The following LETM1 variants were observed in gnomAD, a reference collection of about 807,000 sequenced individuals.
LETM1 encodes the protein leucine zipper and EF-hand containing transmembrane protein 1, also known as mitochondrial proton/calcium exchanger protein.
Under a neutral mutation model 74.5 loss-of-function variants are expected in LETM1, and 50 were observed. The ratio of observed to expected loss-of-function variants is 0.67; its 90% CI spans 0.53 to 0.85. The LOEUF (loss-of-function observed/expected upper bound fraction) is 0.85. Among genes scored for constraint, LETM1 ranks in the 40% least tolerant of loss-of-function variants. The pLI is 0.00. For missense variants in LETM1, 824 were observed against 967.8 expected (o/e 0.85, Z 1.97); for synonymous variants, 446 against 407.1 (o/e 1.10, Z -1.15).
At chr4:1,855,696 T>C (rs977944003) in intron 1 of LETM1, among the ~76,000 whole-genome samples, 173 bp downstream of exon 1, 9 of 152,038 alleles carry the variant, frequency 5.9e-5, no homozygotes, top group Non-Finnish European at 7.4e-5. Context: ...CGCCCGGCGC[T>C]GGCGGCCCAG....
chr4:1,830,703 GT>G lies in LETM1; in HGVS notation c.1080+2040del, dbSNP rs547610723. Reference sequence around the variant, plus strand: ...TTCTTTTCTTTCTTTGCCCAGATCTGTTTTTCACATGTTCTGCTCTGTTGTG... The same window carrying G: ...TTCTTTTCTTTCTTTGCCCAGATCTGTTTTCACATGTTCTGCTCTGTTGTG... On this transcript the variant is annotated intron_variant, in intron 6 of 13. Coordinates refer to ENST00000302787, the MANE Select transcript of LETM1 (RefSeq NM_012318.3). 9.9e-5 allele frequency among the ~76,000 whole-genome samples: 15 copies of G among 152,240 alleles called. No individual in the cohort carries two copies. In the East Asian group the frequency reaches 2.9e-3, roughly 29 times the overall value.
At chr4:1,842,725 G>A (rs180814663) in intron 2 of LETM1, among the ~76,000 whole-genome samples, 6 of 152,298 alleles carry the variant, frequency 3.9e-5, no homozygotes, top group East Asian at 1.9e-4. Context: ...CCCAGTTGCC[G>A]CCTGTGCCAT....
At chr4:1,826,967 TGTCGCCTCCACTCGCATC>T (rs918032898) in intron 6 of LETM1, among the ~76,000 whole-genome samples, 108 of 152,246 alleles carry the variant, frequency 7.1e-4, no homozygotes, top group African/African-American at 2.5e-3. Context: ...GAGTCTCAGG[TGTCGCCTCCACTCGCATC>T]GTCGCCTCCA....
At chr4:1,840,640 C>T (rs1712656852) in intron 3 of LETM1, among the ~76,000 whole-genome samples, 1 of 151,814 alleles carries the variant, frequency 6.6e-6, no homozygotes, top group African/African-American at 2.4e-5. Flanking sequence ...TGCACTCCAG[C>T]CTGGGCGACA....
chr4:1,819,897 T>C (rs1430504060), intron 10 of LETM1, among the ~76,000 whole-genome samples: 1 of 152,206 alleles, frequency 6.6e-6, no homozygotes, highest in Non-Finnish European at 1.5e-5. Flanking sequence ...GTCTGACTTC[T>C]CTCACTCACT....
intron 3 of LETM1, among the ~76,000 whole-genome samples, chr4:1,840,575 G>A (rs1031294957): frequency 6.6e-6 from 1 of 151,962 alleles, no homozygotes; most frequent in East Asian, 1.9e-4. Context: ...GCTGAGGCAG[G>A]AGAATGGTGT....
In LETM1 at chr4:1,825,634, G is replaced by C; in HGVS notation, c.1130C>G (p.Ala377Gly). 2 of 1,614,078 alleles carry C rather than the reference G, an allele frequency of 1.2e-6. No homozygotes were observed. Among genetic ancestry groups the C allele is most frequent in the Non-Finnish European group, 1.7e-6 (2 of 1,179,988 alleles). ...CCGCATGCCTCGTGCCCGACACGCT[G>C]CCTGCAGCTCCTTGACATTCAGGCT... ...VDSLNVKELQ[A>G]ACRARGMRAL... Residue 377 changes from alanine to glycine, a missense_variant, in exon 7 of 14, where the codon GCA (alanine) becomes GGA (glycine). Physicochemically the swap from Ala to Gly is moderately conservative, Grantham distance 60. Around this residue, in one of 4 missense-constraint regions of LETM1, gnomAD observed 269 missense variants for 348.8 expected, o/e 0.77. Coordinates refer to ENST00000302787, the MANE Select transcript of LETM1 (RefSeq NM_012318.3).
Position 1,823,117 on chromosome 4 carries a change from C to G in LETM1, c.1347G>C (p.Gln449His). The part of the protein sequence containing the change: ...TLPEIVAKEA[Q>H]VKVAEVEGEQ... ...CGCCCTCCACCTCGGCCACTTTCACCTGTGCTTCCTTTGCCTTCAGAAGAG... is the reference window on the plus strand; with the variant it reads ...CGCCCTCCACCTCGGCCACTTTCACGTGTGCTTCCTTTGCCTTCAGAAGAG... Residue 449 changes from glutamine (Q) to histidine (H), a missense_variant, in exon 9 of 14, where the codon CAG becomes CAC. Transcript: ENST00000302787. 1 of 1,597,444 alleles carries G rather than the reference C, an allele frequency of 6.3e-7. No individual in the cohort carries two copies. The highest frequency in any genetic ancestry group is 1.3e-5 in the African/African-American group (1 of 74,166).
At chr4:1,841,916 C>A in intron 2 of LETM1, 119 bp from the exon 3 acceptor site, 1 of 732,012 alleles carries the variant, frequency 1.4e-6, no homozygotes, top group Non-Finnish European at 2.3e-6. Flanking sequence ...GTCACAACCA[C>A]ACACAATCCC....
intron 6 of LETM1, among the ~76,000 whole-genome samples, chr4:1,826,988 C>A (rs1052033290): frequency 1.3e-5 from 2 of 152,156 alleles, no homozygotes; most frequent in Non-Finnish European, 2.9e-5. Context: ...CTCGCATCGT[C>A]GCCTCCACCC....
chr4:1,820,127 C>T (rs928956256), intron 10 of LETM1, among the ~76,000 whole-genome samples: 4 of 152,034 alleles, frequency 2.6e-5, no homozygotes, highest in Admixed American at 6.6e-5. Context: ...GTAAAGACGG[C>T]GTCTCACTAT....
intron 1 of LETM1, among the ~76,000 whole-genome samples, chr4:1,854,872 G>T (rs1239879876): frequency 6.6e-6 from 1 of 151,870 alleles, no homozygotes; most frequent in Non-Finnish European, 1.5e-5. Context: ...TATCTCTTTG[G>T]GGGTGGGGAA....
At chr4:1,849,279 T>G in intron 1 of LETM1, 70 bp from the exon 2 acceptor site, 2 of 1,193,640 alleles carry the variant, frequency 1.7e-6, no homozygotes, top group South Asian at 2.5e-5. Flanking sequence ...TTTTTTGTTG[T>G]TGGTTTTTGG....
At chr4:1,824,851 C>A (rs545517948) in intron 7 of LETM1, among the ~76,000 whole-genome samples, 3 of 152,240 alleles carry the variant, frequency 2.0e-5, no homozygotes, top group Non-Finnish European at 2.9e-5. Context: ...CGATGGAAGA[C>A]GCGGCTGTGG....
At chr4:1,827,356 T>C (rs1189510380) in intron 6 of LETM1, among the ~76,000 whole-genome samples, 2 of 131,216 alleles carry the variant, frequency 1.5e-5, no homozygotes, top group Non-Finnish European at 3.2e-5. Context: ...GGCAGGGTCA[T>C]GGGACAATAG....
In LETM1 at chr4:1,822,272, C is replaced by G; in HGVS notation, c.1517G>C (p.Arg506Thr). ...TTCTGGCTGTGGCTCGGTCCCCGGC[C>G]TTTGGGGAGCAGCTACCACACGTTC... Reference protein sequence around the residue: ...EPERVVAAPQRPGTEPQPEMP... With the variant: ...EPERVVAAPQTPGTEPQPEMP... Residue 506 changes from arginine to threonine, a missense_variant, in exon 10 of 14, where the codon AGG becomes ACG. Arg to Thr is a moderately conservative substitution (Grantham distance 71, BLOSUM62 -1). This residue lies in a region of LETM1 where 172 missense variants were observed against 170.7 expected (regional missense o/e 1.01). Coordinates refer to ENST00000302787, the MANE Select transcript of LETM1 (RefSeq NM_012318.3). 5 of 1,540,298 alleles carry G rather than the reference C, an allele frequency of 3.2e-6. No individual in the cohort carries two copies. The highest frequency in any genetic ancestry group is 4.4e-6 in the Non-Finnish European group (5 of 1,136,036).
chr4:1,854,177 T>C (rs1305462996), intron 1 of LETM1, among the ~76,000 whole-genome samples: 2 of 152,166 alleles, frequency 1.3e-5, no homozygotes, highest in Non-Finnish European at 2.9e-5. Context: ...TAACCAGCCA[T>C]TATTGTAAAA....
intron 3 of LETM1, among the ~76,000 whole-genome samples, chr4:1,837,796 T>C (rs1273834619): frequency 6.7e-6 from 1 of 149,804 alleles, no homozygotes; most frequent in East Asian, 2.0e-4. Context: ...TCCATCTCCC[T>C]GGTTCAAGCG....
At chr4:1,826,533 G>T (rs141524201) in intron 6 of LETM1, among the ~76,000 whole-genome samples, 1 of 152,226 alleles carries the variant, frequency 6.6e-6, no homozygotes, top group African/African-American at 2.4e-5. Context: ...TCACAGACGC[G>T]CTTGTCTCCA....
Sources: gnomAD v4.1 joint callset for allele counts (sites outside exome capture counted in the v4.1 genomes callset) on GRCh38, gnomAD v4.1.1 for gene constraint, gnomAD v4.1.1 regional missense constraint, MANE v1.5 for transcripts, NCBI Gene and HGNC (gene_info 2026-07-23, HGNC 2026-07-21) for gene names.